Variants in FGD6 observed in about 807,000 individuals in gnomAD.
FGD6 encodes the protein FYVE, RhoGEF and PH domain containing 6.
FGD6 carries 90 observed loss-of-function variants against 149.4 expected under a neutral mutation model. The ratio of observed to expected loss-of-function variants is 0.60; its 90% CI spans 0.51 to 0.72. The LOEUF is 0.72. Among genes scored for constraint, FGD6 ranks in the 30% least tolerant of loss-of-function variants. The probability of loss-of-function intolerance (pLI) is 0.00; values close to 1 mark genes in which losing one functional copy is unlikely to be tolerated. For synonymous variants in FGD6, 527 were observed against 584.0 expected, an observed-to-expected ratio of 0.90 and a Z score of 1.41; for missense variants, 1,437 against 1,684.8, an observed-to-expected ratio of 0.85 and a Z score of 2.57.
At position 95,172,530 on chromosome 12, in the gene FGD6, C is replaced by T; in HGVS notation, c.2586+70G>A. On this transcript the variant is annotated intron_variant, in intron 3 of 20. Transcript: ENST00000343958. ...AGAAAACTCACAAGGGTTTCTGTGC[C>T]TATTATGCAGACAAATATCATTCCC... 3.0e-6 allele frequency: 4 copies of T among 1,340,234 alleles called. No homozygotes were observed. The South Asian group carries it at 5.9e-5, about 20-fold the overall frequency. The allele number at this position is 1,340,234 out of a possible 1,614,324, so 83.0% of individuals were successfully genotyped here.
rs139126301 is a variant in FGD6 at position 95,077,124 on chromosome 12, A to C, written c.*4396T>G. 9.2e-4 allele frequency: 140 copies of C among 152,370 alleles called. 1 individual carries two copies. Among genetic ancestry groups the C allele is most frequent in the African/African-American group, 3.0e-3 (126 of 41,594 alleles). 9.4% of individuals were successfully genotyped at this position (152,370 alleles called of 1,614,324 possible). A position where few individuals can be genotyped will look rare whatever the true frequency, so the allele number is the denominator to read the frequency against. ...AGATAAGATTTTCCTTTAGAAAATG[A>C]CATTAAAAGTGGCATGAGCCCTAGA... On this transcript the variant is annotated 3_prime_UTR_variant, in exon 21 of 21. Transcript: ENST00000343958.
Position 95,091,817 on chromosome 12 carries a change from C to T in FGD6, c.3748-8G>A, listed in dbSNP as rs201902923. On this transcript the variant is annotated splice_region_variant and splice_polypyrimidine_tract_variant and intron_variant, in intron 16 of 20. Coordinates refer to ENST00000343958, the MANE Select transcript of FGD6 (RefSeq NM_018351.4). ...ACAAGCTTGGCATACAATCTGAAAA[C>T]ACATTGGAATTATGTCATTAATTTC... 8.2e-6 allele frequency: 13 copies of T among 1,592,664 alleles called. No individual in the cohort carries two copies. The African/African-American group carries it at 1.7e-4, about 21-fold the overall frequency.
Position 95,209,290 on chromosome 12 carries a change from C to T in FGD6, c.1994G>A (p.Gly665Glu), listed in dbSNP as rs758795976. The T allele has an allele frequency of 6.2e-7, 1 of 1,614,066 alleles. No individual in the cohort carries two copies. Among genetic ancestry groups the T allele is most frequent in the Non-Finnish European group, 8.5e-7 (1 of 1,180,018 alleles). ...ATCACTTTCAATCCCCTTCTGCTCCCCACTGGAGAGGTGGCCTGTGGTGGT... is the reference window on the plus strand; with the variant it reads ...ATCACTTTCAATCCCCTTCTGCTCCTCACTGGAGAGGTGGCCTGTGGTGGT... ...GDTTTGHLSS[G>E]EQKGIESDWQ... Residue 665 changes from glycine (G) to glutamate (E), a missense_variant, in exon 2 of 21, where the codon GGG becomes GAG. Gly to Glu is a moderately conservative substitution (Grantham distance 98). Coordinates refer to ENST00000343958, the MANE Select transcript of FGD6 (RefSeq NM_018351.4).
intron 14 of FGD6, among the ~76,000 whole-genome samples, chr12:95,103,213 G>A (rs563286567): frequency 3.4e-4 from 52 of 152,296 alleles, no homozygotes; most frequent in African/African-American, 1.2e-3. Context: ...TTATGATGGT[G>A]CCTGGCATAC....
At chr12:95,094,960 T>C (rs1052738204) in intron 14 of FGD6, among the ~76,000 whole-genome samples, 7 of 152,226 alleles carry the variant, frequency 4.6e-5, no homozygotes, top group Non-Finnish European at 8.8e-5. Context: ...TGAACTCTCC[T>C]AAACTTGAAA....
At chr12:95,144,628 G>T (rs1019683011) in intron 5 of FGD6, among the ~76,000 whole-genome samples, 1 of 151,784 alleles carries the variant, frequency 6.6e-6, no homozygotes, top group Non-Finnish European at 1.5e-5. Context: ...CCAACCTCAG[G>T]TGATTCACCT....
intron 8 of FGD6, among the ~76,000 whole-genome samples, chr12:95,127,209 A>G (rs952873658): frequency 1.3e-5 from 2 of 152,106 alleles, no homozygotes; most frequent in African/African-American, 4.8e-5. Context: ...TAAAATAAAT[A>G]CTTGCTAAAC....
intron 1 of FGD6, among the ~76,000 whole-genome samples, chr12:95,212,188 A>G (rs774476455): frequency 1.3e-5 from 2 of 152,168 alleles, no homozygotes; most frequent in Non-Finnish European, 2.9e-5. Flanking sequence ...TATTTTTTAA[A>G]AAGTCACATG....
chr12:95,155,267 C>G (rs896998394), intron 3 of FGD6, among the ~76,000 whole-genome samples: 2 of 152,180 alleles, frequency 1.3e-5, no homozygotes, highest in African/African-American at 2.4e-5. Context: ...TGGCTCACAC[C>G]TGTAATTCCA....
intron 14 of FGD6, among the ~76,000 whole-genome samples, chr12:95,095,703 G>T (rs1370154878): frequency 6.6e-6 from 1 of 152,060 alleles, no homozygotes; most frequent in Non-Finnish European, 1.5e-5. Flanking sequence ...AATTTACAGA[G>T]GCATTTTGAG....
In FGD6 at chr12:95,192,857, G is replaced by GC. The variant is rs1302002700; in HGVS notation, c.2441+15985dup. On this transcript the variant is annotated intron_variant, in intron 2 of 20. Coordinates refer to ENST00000343958, the MANE Select transcript of FGD6 (RefSeq NM_018351.4). ...AGTGGAACAAAGCCATGAGAGAAGAGCATGTTTTGGAATGTAGAATGTGGT... is the reference window on the plus strand; with the variant it reads ...AGTGGAACAAAGCCATGAGAGAAGAGCCATGTTTTGGAATGTAGAATGTGGT... 3.3e-5 allele frequency among the ~76,000 whole-genome samples: 5 copies of GC among 152,334 alleles called. 1 individual carries two copies. Among genetic ancestry groups the GC allele is most frequent in the African/African-American group, 1.2e-4 (5 of 41,580 alleles).
rs1247132873 is a variant in FGD6, at chr12:95,209,170, TTCC to T, written c.2111_2113del (p.Arg704del). On this transcript the variant is annotated inframe_deletion, in exon 2 of 21. Transcript: ENST00000343958. Reference sequence around the variant, plus strand: ...TGCACTGGTCTGGCCCCGAGACTTCTTCCTCTTCTTTTGAGATTCCAGGCTATA... The same window carrying T: ...TGCACTGGTCTGGCCCCGAGACTTCTTCTTCTTTTGAGATTCCAGGCTATA... The T allele has an allele frequency of 3.7e-6, 6 of 1,614,024 alleles. No individual in the cohort carries two copies. The highest frequency in any genetic ancestry group is 5.1e-6 in the Non-Finnish European group (6 of 1,180,028).
chr12:95,107,255 T>G (rs550523421), intron 12 of FGD6, among the ~76,000 whole-genome samples: 2 of 152,362 alleles, frequency 1.3e-5, no homozygotes, highest in Admixed American at 1.3e-4. Flanking sequence ...ATTTCCAAGT[T>G]CTGTAACAGA....
chr12:95,197,954 TC>T (rs1386778380), intron 2 of FGD6, among the ~76,000 whole-genome samples: 1 of 152,218 alleles, frequency 6.6e-6, no homozygotes, highest in Non-Finnish European at 1.5e-5. Context: ...ACAAGAGCTT[TC>T]CAATCAATGA....
chr12:95,147,883 A>G (rs1015373857), intron 5 of FGD6, among the ~76,000 whole-genome samples: 6 of 152,276 alleles, frequency 3.9e-5, no homozygotes, highest in Admixed American at 3.3e-4. Flanking sequence ...AAGTTAAATG[A>G]TTAGATGAAC....
chr12:95,204,177 G>A (rs1007175326), intron 2 of FGD6, among the ~76,000 whole-genome samples: 2 of 152,126 alleles, frequency 1.3e-5, no homozygotes, highest in Admixed American at 6.6e-5. Flanking sequence ...AACCCGGAGC[G>A]GTGACTAAAT....
At position 95,108,483 on chromosome 12, in the gene FGD6, A is replaced by C. The variant is rs2136241732; in HGVS notation, c.3192+20T>G. ...TTTCAGGTTCAAGACCACACCAGCC[A>C]CTGACAACAAGACACTTACTCCTTG... On this transcript the variant is annotated intron_variant, in intron 10 of 20. Transcript: ENST00000343958. The C allele has an allele frequency of 6.2e-7, 1 of 1,614,098 alleles. No homozygotes were observed. The highest frequency in any genetic ancestry group is 1.3e-5 in the African/African-American group (1 of 75,050).
At chr12:95,115,978 G>A (rs1878998245) in intron 8 of FGD6, among the ~76,000 whole-genome samples, 1 of 152,124 alleles carries the variant, frequency 6.6e-6, no homozygotes, top group African/African-American at 2.4e-5. Flanking sequence ...GTTCTATCTT[G>A]CCAGAGACCA....
In FGD6 at chr12:95,199,090, A is replaced by G. The variant is rs529637531; in HGVS notation, c.2441+9753T>C. Among the ~76,000 whole-genome samples the G allele has an allele frequency of 2.3e-4, 35 of 152,318 alleles. No individual in the cohort carries two copies. The South Asian group carries it at 5.6e-3, about 24-fold the overall frequency. Reference sequence around the variant, plus strand: ...TGCAAGTAAACCTGAACCTTTGTGCAACAACTAAGATCACTTTCGTCTTCT... The same window carrying G: ...TGCAAGTAAACCTGAACCTTTGTGCGACAACTAAGATCACTTTCGTCTTCT... On this transcript the variant is annotated intron_variant, in intron 2 of 20. Transcript: ENST00000343958.
Sources: allele counts gnomAD v4.1 joint callset (sites outside exome capture counted in the v4.1 genomes callset), GRCh38; gene constraint gnomAD v4.1.1; transcripts MANE v1.5; gene names NCBI Gene and HGNC (gene_info 2026-07-23, HGNC 2026-07-21).